The following NHEJ1 variants were observed in gnomAD, a reference collection of about 807,000 sequenced individuals.
The protein encoded by NHEJ1 is non-homologous end-joining factor 1.
A neutral mutation model predicts 39.4 loss-of-function variants in NHEJ1; 22 were observed. The ratio of observed to expected loss-of-function variants is 0.56; its 90% CI spans 0.40 to 0.80. The LOEUF is 0.80. NHEJ1 is among the 30% of genes least tolerant of loss of function. The pLI, the probability that NHEJ1 is intolerant of heterozygous loss-of-function variation, is 0.00. For synonymous variants in NHEJ1, 154 were observed against 135.6 expected, an observed-to-expected ratio of 1.14 and a Z score of -0.94; for missense variants, 329 against 357.1, an observed-to-expected ratio of 0.92 and a Z score of 0.63.
rs1408237621 is a variant in NHEJ1 at position 219,072,877 on chromosome 2, A to G, written c.*3504T>C. 6.6e-6 allele frequency among the ~76,000 whole-genome samples: 1 copy of G among 152,210 alleles called. No individual in the cohort carries two copies. The highest frequency in any genetic ancestry group is 2.4e-5 in the African/African-American group (1 of 41,458). On this transcript the variant is annotated 3_prime_UTR_variant, in exon 8 of 8. Transcript: ENST00000356853. ...AATGCTCCTAGTGACAATGTAAGGA[A>G]CGAAACCAGGAGGAGCAGCACAGCC... is the stretch of plus-strand genomic sequence containing the variant.
At chr2:219,122,233 C>T (rs1010738848) in intron 5 of NHEJ1, among the ~76,000 whole-genome samples, 2 of 152,166 alleles carry the variant, frequency 1.3e-5, no homozygotes, top group African/African-American at 4.8e-5. Context: ...TTCCTTAGAT[C>T]CACGCACCTT....
chr2:219,095,501 T>G, intron 5 of NHEJ1: 1 of 336,132 alleles, frequency 3.0e-6, no homozygotes, highest in South Asian at 2.4e-5. Flanking sequence ...CCCATATCAT[T>G]CCCCATATAA....
intron 5 of NHEJ1, among the ~76,000 whole-genome samples, chr2:219,088,619 A>G (rs1949133062): frequency 6.6e-6 from 1 of 152,218 alleles, no homozygotes; most frequent in African/African-American, 2.4e-5. Context: ...AGAAGTCAGG[A>G]TAGTGTAGTG....
At chr2:219,154,285 T>C (rs1949827381) in intron 3 of NHEJ1, among the ~76,000 whole-genome samples, 1 of 152,162 alleles carries the variant, frequency 6.6e-6, no homozygotes, top group Non-Finnish European at 1.5e-5. Flanking sequence ...TATACATAGA[T>C]ATATATTTGG....
In NHEJ1 at chr2:219,157,496, G is replaced by A. The variant is rs1471651380; in HGVS notation, c.366C>T (p.His122=). The stretch of plus-strand genomic sequence containing the variant: ...CCAGGGAAGGACTAGCTAGCATGCA[G>A]TGGAAATTCCAATAGAAGGGGAGGC... ...LSGLPFYWNF[H]CMLASPSLVS... The change falls in exon 3 of 8, where the codon CAC becomes CAT. Residue 122 remains histidine (H), a synonymous_variant. Transcript: ENST00000356853. The A allele has an allele frequency of 6.2e-7, 1 of 1,614,028 alleles. No individual in the cohort carries two copies. Among genetic ancestry groups the A allele is most frequent in the South Asian group, 1.1e-5 (1 of 91,082 alleles).
chr2:219,132,418 C>A (rs1320024031), intron 5 of NHEJ1, among the ~76,000 whole-genome samples: 1 of 152,130 alleles, frequency 6.6e-6, no homozygotes, highest in African/African-American at 2.4e-5. Flanking sequence ...AATGCAGTTG[C>A]CATCAACTAT....
chr2:219,146,683 T>A lies in NHEJ1; in HGVS notation c.585A>T (p.Ile195=). The change falls in exon 5 of 8, where the codon ATA becomes ATT. Residue 195 remains isoleucine (I), a synonymous_variant. Coordinates refer to ENST00000356853, the MANE Select transcript of NHEJ1 (RefSeq NM_024782.3). ...AAGAAAATGACAAATACCTTACCTC[T>A]ATCATAAATTGTTCCAAGAAGGAAT... is the stretch of plus-strand genomic sequence containing the variant. ...EENSFLEQFM[I]EKLPEACSIG... is the part of the protein sequence containing the mutation. 1 of 1,608,158 alleles carries A rather than the reference T, an allele frequency of 6.2e-7. No homozygotes were observed. Among genetic ancestry groups the A allele is most frequent in the Non-Finnish European group, 8.5e-7 (1 of 1,174,522 alleles).
chr2:219,099,554 A>C (rs1949237353), intron 5 of NHEJ1, among the ~76,000 whole-genome samples: 1 of 152,176 alleles, frequency 6.6e-6, no homozygotes. Context: ...GAGTCAGTGC[A>C]TTTCATAACA....
intron 5 of NHEJ1, among the ~76,000 whole-genome samples, chr2:219,098,748 C>T (rs541841524): frequency 2.0e-5 from 3 of 152,084 alleles, no homozygotes; most frequent in Non-Finnish European, 2.9e-5. Flanking sequence ...CCCAGAAGTT[C>T]GAGACTAGCC....
chr2:219,121,096 C>T (rs970547062), intron 5 of NHEJ1, among the ~76,000 whole-genome samples: 6 of 151,902 alleles, frequency 3.9e-5, no homozygotes, highest in African/African-American at 1.5e-4. Context: ...ATCCCAGCTA[C>T]GTGGGAGGCT....
intron 5 of NHEJ1, among the ~76,000 whole-genome samples, chr2:219,127,730 T>A (rs1249433905): frequency 6.6e-6 from 1 of 152,240 alleles, no homozygotes; most frequent in Non-Finnish European, 1.5e-5. Context: ...ATGATAATGA[T>A]AAACTAGCAA....
At chr2:219,135,696 G>A (rs1382018942) in intron 5 of NHEJ1, among the ~76,000 whole-genome samples, 1 of 152,134 alleles carries the variant, frequency 6.6e-6, no homozygotes, top group African/African-American at 2.4e-5. Flanking sequence ...GAGATTTAAA[G>A]CAAGTAAGTG....
intron 3 of NHEJ1, among the ~76,000 whole-genome samples, chr2:219,149,311 G>C (rs930998762): frequency 2.0e-5 from 3 of 152,098 alleles, no homozygotes; most frequent in African/African-American, 7.2e-5. Context: ...ACCTACACAA[G>C]GTGTCCATTA....
At chr2:219,103,914 G>C (rs987445111) in intron 5 of NHEJ1, among the ~76,000 whole-genome samples, 1 of 152,176 alleles carries the variant, frequency 6.6e-6, no homozygotes, top group African/African-American at 2.4e-5. Flanking sequence ...GGTACAGTCA[G>C]GATTCAAACC....
rs995510434 is a variant in NHEJ1, at chr2:219,073,310, T to C, written c.*3071A>G. Among the ~76,000 whole-genome samples, 2 of 152,298 alleles carry C rather than the reference T, an allele frequency of 1.3e-5. No homozygotes were observed. Among genetic ancestry groups the C allele is most frequent in the East Asian group, 3.9e-4 (2 of 5,180 alleles). On this transcript the variant is annotated 3_prime_UTR_variant, in exon 8 of 8. Coordinates refer to ENST00000356853, the MANE Select transcript of NHEJ1 (RefSeq NM_024782.3). ...GCTTTCTTCCTGCCTTCTCAATAAC[T>C]TTACTATCCCTTGGAAATCCTCCTT...
At chr2:219,116,652 C>T (rs1263239398) in intron 5 of NHEJ1, among the ~76,000 whole-genome samples, 1 of 152,156 alleles carries the variant, frequency 6.6e-6, no homozygotes, top group Non-Finnish European at 1.5e-5. Flanking sequence ...CTACCATACC[C>T]AGCCTTTCTG....
At chr2:219,134,277 A>G (rs1949604588) in intron 5 of NHEJ1, among the ~76,000 whole-genome samples, 1 of 152,234 alleles carries the variant, frequency 6.6e-6, no homozygotes, top group Admixed American at 6.5e-5. Context: ...ATATGGGTAA[A>G]TCAACGGGAT....
chr2:219,107,248 G>A (rs1949323235), intron 5 of NHEJ1, among the ~76,000 whole-genome samples: 1 of 152,154 alleles, frequency 6.6e-6, no homozygotes, highest in Non-Finnish European at 1.5e-5. Flanking sequence ...TTCAGGGAGG[G>A]CTTCCCAGCA....
intron 5 of NHEJ1, among the ~76,000 whole-genome samples, chr2:219,145,567 A>G (rs1311752920): frequency 6.6e-6 from 1 of 152,040 alleles, no homozygotes; most frequent in Non-Finnish European, 1.5e-5. Context: ...TAATCTATAC[A>G]TAATACCAGA....
Sources: allele counts gnomAD v4.1 joint callset (sites outside exome capture counted in the v4.1 genomes callset), GRCh38; gene constraint gnomAD v4.1.1; transcripts MANE v1.5; gene names NCBI Gene and HGNC (gene_info 2026-07-23, HGNC 2026-07-21).